Variants in NCAM2 observed in about 807,000 individuals in gnomAD.
NCAM2 encodes the protein neural cell adhesion molecule 2, also known as N-CAM-2.
In NCAM2, 30 loss-of-function variants were observed where a neutral mutation model predicts 98.1. That is an observed-to-expected ratio of 0.31 (90% CI 0.23 to 0.41). The LOEUF (loss-of-function observed/expected upper bound fraction) is 0.41. Among genes scored for constraint, NCAM2 ranks in the 10% least tolerant of loss-of-function variants. The pLI, the probability that NCAM2 is intolerant of heterozygous loss-of-function variation, is 1.00. For missense variants in NCAM2, 867 were observed against 1,005.8 expected (o/e 0.86, Z 1.87); for synonymous variants, 368 against 342.4 (o/e 1.07, Z -0.83).
chr21:21,093,833 C>G (rs375658750), intron 1 of NCAM2, among the ~76,000 whole-genome samples: 1 of 151,882 alleles, frequency 6.6e-6, no homozygotes, highest in East Asian at 1.9e-4. Flanking sequence ...AATTACTGCC[C>G]TTTTTTCCAG....
At position 21,294,018 on chromosome 21, in the gene NCAM2, A is replaced by G. The variant is rs577926620; in HGVS notation, c.619+1777A>G. 1.3e-3 allele frequency among the ~76,000 whole-genome samples: 202 copies of G among 151,672 alleles called. 2 individuals carry two copies. The highest frequency in any genetic ancestry group is 9.7e-4 in the Non-Finnish European group (66 of 67,826). On this transcript the variant is annotated intron_variant, in intron 5 of 17. Transcript: ENST00000400546. ...TTTGATATTAAAATGAAATTTATCC[A>G]GCAGGCATAGTAACCCTTTGTTATT...
In NCAM2 at chr21:21,305,737, A is replaced by G. The variant is rs1010647164; in HGVS notation, c.619+13496A>G. ...TTTTATATTTGTTTTTCCTTTTCCT[A>G]TTTTATCAGCGTGCCATCTGATCTT... On this transcript the variant is annotated intron_variant, in intron 5 of 17. Transcript: ENST00000400546. 1.3e-4 allele frequency among the ~76,000 whole-genome samples: 19 copies of G among 151,760 alleles called. 1 individual carries two copies. Among genetic ancestry groups the G allele is most frequent in the Admixed American group, 6.6e-4 (10 of 15,220 alleles).
At chr21:21,157,652 T>A (rs1376333756) in intron 1 of NCAM2, among the ~76,000 whole-genome samples, 1 of 152,108 alleles carries the variant, frequency 6.6e-6, no homozygotes, top group Non-Finnish European at 1.5e-5. Flanking sequence ...TTATATGGAA[T>A]CATCTGCATT....
At chr21:21,488,630 G>C (rs1986591733) in intron 15 of NCAM2, among the ~76,000 whole-genome samples, 1 of 151,792 alleles carries the variant, frequency 6.6e-6, no homozygotes, top group South Asian at 2.1e-4. Flanking sequence ...AAGACTAATA[G>C]CCAGTATTAT....
intron 14 of NCAM2, among the ~76,000 whole-genome samples, chr21:21,475,145 GTTTCTTTT>G (rs1272061601): frequency 6.6e-6 from 1 of 151,908 alleles, no homozygotes; most frequent in East Asian, 1.9e-4. Flanking sequence ...AAATCACTGT[GTTTCTTTT>G]TGGATTTAAA....
intron 9 of NCAM2, among the ~76,000 whole-genome samples, chr21:21,402,060 T>A (rs901949412): frequency 2.0e-5 from 3 of 152,164 alleles, no homozygotes; most frequent in African/African-American, 7.2e-5. Flanking sequence ...ACAAATTGAT[T>A]GTAAAACATA....
chr21:21,109,433 C>T (rs934010219), intron 1 of NCAM2, among the ~76,000 whole-genome samples: 1 of 152,052 alleles, frequency 6.6e-6, no homozygotes, highest in South Asian at 2.1e-4. Flanking sequence ...TATGTACCCA[C>T]CAAAATCAAA....
intron 1 of NCAM2, among the ~76,000 whole-genome samples, chr21:21,015,508 A>T (rs1297836225): frequency 6.6e-6 from 1 of 152,140 alleles, no homozygotes; most frequent in Non-Finnish European, 1.5e-5. Flanking sequence ...AACATTTTTA[A>T]ATTAATGTAT....
intron 1 of NCAM2, among the ~76,000 whole-genome samples, chr21:20,999,186 T>G (rs915009322): frequency 4.6e-5 from 7 of 152,130 alleles, no homozygotes; most frequent in African/African-American, 1.7e-4. Flanking sequence ...GGATATTGTG[T>G]GTAAGAAAGC....
At chr21:21,260,605 A>G (rs958058880) in intron 1 of NCAM2, among the ~76,000 whole-genome samples, 9 of 152,078 alleles carry the variant, frequency 5.9e-5, no homozygotes, top group Non-Finnish European at 1.3e-4. Context: ...TTCTTGCCAA[A>G]CTAACCTTTA....
chr21:21,303,637 G>A (rs1427072483), intron 5 of NCAM2, among the ~76,000 whole-genome samples: 1 of 152,048 alleles, frequency 6.6e-6, no homozygotes, highest in Non-Finnish European at 1.5e-5. Context: ...GAGAGGTAAT[G>A]GCTGGATCAC....
intron 16 of NCAM2, among the ~76,000 whole-genome samples, chr21:21,532,953 C>G (rs527329418): frequency 6.6e-6 from 1 of 151,970 alleles, no homozygotes; most frequent in Admixed American, 6.6e-5. Context: ...AAAGTTTATT[C>G]ACTTCTAGAT....
intron 1 of NCAM2, among the ~76,000 whole-genome samples, chr21:21,104,743 G>T (rs939958584): frequency 1.3e-5 from 2 of 151,966 alleles, no homozygotes; most frequent in Non-Finnish European, 2.9e-5. Flanking sequence ...CTCTGCCTTG[G>T]GTAGTCTGTT....
At chr21:21,182,012 G>A (rs1222317468) in intron 1 of NCAM2, among the ~76,000 whole-genome samples, 2 of 149,410 alleles carry the variant, frequency 1.3e-5, no homozygotes, top group Non-Finnish European at 3.0e-5. Flanking sequence ...GGGCAACATG[G>A]TGAGACCACC....
intron 1 of NCAM2, among the ~76,000 whole-genome samples, chr21:21,279,347 A>T (rs767625345): frequency 4.0e-5 from 6 of 151,812 alleles, no homozygotes; most frequent in Non-Finnish European, 5.9e-5. Context: ...GTCCAGTGTT[A>T]TCTGGTGTTC....
chr21:21,527,970 A>G (rs1313304413), intron 16 of NCAM2, among the ~76,000 whole-genome samples: 1 of 152,248 alleles, frequency 6.6e-6, no homozygotes, highest in Non-Finnish European at 1.5e-5. Flanking sequence ...AGGTAAATGA[A>G]TAAACTGTGG....
intron 1 of NCAM2, among the ~76,000 whole-genome samples, chr21:21,268,837 A>G (rs934191769): frequency 3.6e-4 from 55 of 152,142 alleles, no homozygotes; most frequent in African/African-American, 1.2e-3. Flanking sequence ...ACAAAATAGC[A>G]CCAAGTATTT....
At chr21:21,206,593 C>T (rs892790542) in intron 1 of NCAM2, among the ~76,000 whole-genome samples, 4 of 152,054 alleles carry the variant, frequency 2.6e-5, no homozygotes, top group Non-Finnish European at 5.9e-5. Flanking sequence ...TAAGAACCTA[C>T]GTGTAGGGAA....
At chr21:21,526,038 AT>A (rs1176086852) in intron 16 of NCAM2, among the ~76,000 whole-genome samples, 1 of 152,020 alleles carries the variant, frequency 6.6e-6, no homozygotes, top group Admixed American at 6.6e-5. Flanking sequence ...AACTTACATC[AT>A]TTTTTACATC....
Sources: allele counts gnomAD v4.1 joint callset (sites outside exome capture counted in the v4.1 genomes callset), GRCh38; gene constraint gnomAD v4.1.1; transcripts MANE v1.5; gene names NCBI Gene and HGNC (gene_info 2026-07-23, HGNC 2026-07-21).